MLF1: variants seen among roughly 807,000 people sequenced by gnomAD.
MLF1 encodes the protein myelodysplasia-myeloid leukemia factor 1.
A neutral mutation model predicts 38.3 loss-of-function variants in MLF1; 37 were observed. The ratio of observed to expected loss-of-function variants is 0.96; its 90% confidence interval spans 0.74 to 1.27. The LOEUF (loss-of-function observed/expected upper bound fraction) is 1.27. MLF1 is among the 50% of genes most tolerant of loss of function. The pLI, the probability that MLF1 is intolerant of heterozygous loss-of-function variation, is 0.00. For missense variants in MLF1, 331 were observed against 349.2 expected (o/e 0.95, Z 0.42); for synonymous variants, 95 against 106.5 (o/e 0.89, Z 0.66).
At chr3:158,592,930 T>C (rs1718375140) in intron 2 of MLF1, among the ~76,000 whole-genome samples, 1 of 152,164 alleles carries the variant, frequency 6.6e-6, no homozygotes. Context: ...CCCATACTCA[T>C]TGTTTTAATA....
chr3:158,580,438 G>A (rs1446761353), intron 1 of MLF1, among the ~76,000 whole-genome samples: 2 of 152,218 alleles, frequency 1.3e-5, no homozygotes, highest in East Asian at 3.9e-4. Context: ...GCCTTCTAGT[G>A]TGCTAAAACA....
intron 1 of MLF1, among the ~76,000 whole-genome samples, chr3:158,581,187 C>G (rs1333456387): frequency 6.6e-6 from 1 of 152,102 alleles, no homozygotes; most frequent in Non-Finnish European, 1.5e-5. Flanking sequence ...CTGTAGTTGA[C>G]AAATTACTGG....
chr3:158,584,658 AGTGTGTGTGTGTGTGTGTGTGT>A (rs56885799), intron 1 of MLF1, among the ~76,000 whole-genome samples: 8 of 134,284 alleles, frequency 6.0e-5, no homozygotes, highest in African/African-American at 2.2e-4. Context: ...CCATAAAGAA[AGTGTGTGTGTGTGTGTGTGTGT>A]GTGTGTGTGT....
At chr3:158,583,372 G>A (rs1445921651) in intron 1 of MLF1, among the ~76,000 whole-genome samples, 4 of 152,060 alleles carry the variant, frequency 2.6e-5, no homozygotes, top group African/African-American at 4.8e-5. Context: ...TTGCTGACAT[G>A]TTGATCTCAG....
At chr3:158,579,709 T>C (rs957049681) in intron 1 of MLF1, among the ~76,000 whole-genome samples, 3 of 152,206 alleles carry the variant, frequency 2.0e-5, no homozygotes, top group African/African-American at 7.2e-5. Flanking sequence ...TAATAGCTGT[T>C]TAGCACTCCC....
Position 158,598,178 on chromosome 3 carries a change from C to T in MLF1, c.423C>T (p.Ala141=). The change falls in exon 5 of 8, where the codon GCC becomes GCT. Residue 141 remains alanine (A), a synonymous_variant. Transcript: ENST00000466246. ...ATGAACCGCCAAAGGTTTTTCAGGC[C>T]TCAACTCAAACTCGTCGAGCTCCAG... is the stretch of plus-strand genomic sequence containing the variant. ...IGDEPPKVFQ[A]STQTRRAPGG... is the part of the protein sequence containing the mutation. 6.2e-7 allele frequency: 1 copy of T among 1,613,730 alleles called. No homozygotes were observed. Among genetic ancestry groups the T allele is most frequent in the Non-Finnish European group, 8.5e-7 (1 of 1,179,864 alleles).
chr3:158,590,764 T>C (rs1717998156), intron 1 of MLF1: 1 of 456,104 alleles, frequency 2.2e-6, no homozygotes, highest in Admixed American at 2.4e-5. Flanking sequence ...AGGAAGCTTT[T>C]TGGAATGATA....
chr3:158,577,256 A>C (rs1203426870), intron 1 of MLF1, among the ~76,000 whole-genome samples: 2 of 152,344 alleles, frequency 1.3e-5, no homozygotes, highest in East Asian at 3.9e-4. Context: ...GATGTGGGTT[A>C]ACTTTTTTAT....
At chr3:158,582,088 G>C (rs1240166905) in intron 1 of MLF1, among the ~76,000 whole-genome samples, 1 of 152,120 alleles carries the variant, frequency 6.6e-6, no homozygotes, top group Non-Finnish European at 1.5e-5. Flanking sequence ...GCTGAGGCAG[G>C]AGAATCACTT....
intron 1 of MLF1, among the ~76,000 whole-genome samples, chr3:158,583,507 A>T (rs1042293238): frequency 6.6e-6 from 1 of 152,238 alleles, no homozygotes; most frequent in African/African-American, 2.4e-5. Flanking sequence ...AGGTATGTCT[A>T]TTCGCTCTTA....
At position 158,600,187 on chromosome 3, in the gene MLF1, A is replaced by G; in HGVS notation, c.613+14A>G. 3 of 1,379,352 alleles carry G rather than the reference A, an allele frequency of 2.2e-6. No homozygotes were observed. The highest frequency in any genetic ancestry group is 2.9e-6 in the Non-Finnish European group (3 of 1,051,496). 85.4% of individuals were successfully genotyped at this position (1,379,352 alleles called of 1,614,324 possible). On this transcript the variant is annotated intron_variant, in intron 6 of 7. Coordinates refer to ENST00000466246, the MANE Select transcript of MLF1 (RefSeq NM_001369783.1). ...ATATGAATGAAAGTAAGTTATCACA[A>G]AAAAATAATATTCTTTCTTATAAAT...
At chr3:158,599,452 A>G (rs951634600) in intron 5 of MLF1, among the ~76,000 whole-genome samples, 19 of 152,206 alleles carry the variant, frequency 1.2e-4, no homozygotes, top group African/African-American at 4.6e-4. Flanking sequence ...TGAACCTTTT[A>G]ATGATGCTTT....
intron 1 of MLF1, among the ~76,000 whole-genome samples, chr3:158,584,954 T>C (rs2731119): frequency 0.91 from 136,319 of 150,236 alleles, 62,097 homozygotes; most frequent in East Asian, 1. Context: ...GGGAGGATCA[T>C]TTGAGCCTGG....
intron 5 of MLF1, 60 bp downstream of exon 5, chr3:158,598,268 G>C: frequency 7.0e-7 from 1 of 1,428,630 alleles, no homozygotes. Context: ...AGACTGTCTA[G>C]ATCAAATTTT....
rs566451657 is a variant in MLF1, at chr3:158,575,072, G to GA, written c.47+3728dup. ...GCAATGAATTCAAGAGTCAGGGTCA[G>GA]AAATAGTAACAGACTACAAATAGTA... On this transcript the variant is annotated intron_variant, in intron 1 of 7. Transcript: ENST00000466246. 4.7e-4 allele frequency among the ~76,000 whole-genome samples: 72 copies of GA among 152,094 alleles called. No homozygotes were observed. The South Asian group carries it at 0.012, about 25-fold the overall frequency.
intron 1 of MLF1, among the ~76,000 whole-genome samples, chr3:158,585,050 A>AG (rs1156560902): frequency 7.6e-5 from 11 of 144,378 alleles, no homozygotes; most frequent in Admixed American, 3.5e-4. Context: ...AAAAAAAAAA[A>AG]AAAAAGAAAA....
intron 1 of MLF1, among the ~76,000 whole-genome samples, chr3:158,581,429 C>T (rs1037400922): frequency 9.9e-5 from 15 of 152,192 alleles, no homozygotes; most frequent in Non-Finnish European, 1.6e-4. Flanking sequence ...CCCAGTCTGC[C>T]TGGGGGAAGG....
chr3:158,585,290 C>G (rs1478244837), intron 1 of MLF1, among the ~76,000 whole-genome samples: 1 of 151,972 alleles, frequency 6.6e-6, no homozygotes, highest in African/African-American at 2.4e-5. Context: ...TAAAAAGAGC[C>G]TTTCACCTCC....
At position 158,602,752 on chromosome 3, in the gene MLF1, T is replaced by C; in HGVS notation, c.614-55T>C. On this transcript the variant is annotated intron_variant, in intron 6 of 7. Coordinates refer to ENST00000466246, the MANE Select transcript of MLF1 (RefSeq NM_001369783.1). ...ACTGAAATATGTGGGAGCAAGGCAG[T>C]TACTGACAGTTGATACCTTAATACT... is the stretch of plus-strand genomic sequence containing the variant. 2.6e-6 allele frequency: 4 copies of C among 1,562,836 alleles called. No homozygotes were observed. The Admixed American group carries it at 6.9e-5, about 27-fold the overall frequency.
Sources: gnomAD v4.1 joint callset for allele counts (sites outside exome capture counted in the v4.1 genomes callset) on GRCh38, gnomAD v4.1.1 for gene constraint, MANE v1.5 for transcripts, NCBI Gene and HGNC (gene_info 2026-07-23, HGNC 2026-07-21) for gene names.